STK35: variants seen among roughly 807,000 people sequenced by gnomAD.
STK35 encodes the protein serine/threonine-protein kinase 35.
A neutral mutation model predicts 37.3 loss-of-function variants in STK35; 17 were observed. That is an observed-to-expected ratio of 0.46 (90% CI 0.31 to 0.68). The LOEUF is 0.68. STK35 is among the 30% of genes least tolerant of loss of function. The pLI is 0.05. For synonymous variants in STK35, 385 were observed against 319.1 expected, an observed-to-expected ratio of 1.21 and a Z score of -2.20; for missense variants, 595 against 746.7, an observed-to-expected ratio of 0.80 and a Z score of 2.37.
chr20:2,142,312 T>TCCAATGTTATC (rs369185215), intron 3 of STK35, among the ~76,000 whole-genome samples: 1 of 151,628 alleles, frequency 6.6e-6, no homozygotes, highest in East Asian at 1.9e-4. Context: ...GACAGTAAAT[T>TCCAATGTTATC]ATCCAATATT....
rs2122599459 is a variant in STK35 at position 2,146,502 on chromosome 20, T to G, written c.*2756T>G. The G allele has an allele frequency of 6.5e-6, 1 of 152,936 alleles. No individual in the cohort carries two copies. The highest frequency in any genetic ancestry group is 2.1e-4 in the South Asian group (1 of 4,830). The allele number at this position is 152,936 out of a possible 1,614,324, so 9.5% of individuals were successfully genotyped here. A position where few individuals can be genotyped will look rare whatever the true frequency, so the allele number is the denominator to read the frequency against. On this transcript the variant is annotated 3_prime_UTR_variant, in exon 4 of 4. Transcript: ENST00000381482. ...GGATAGCCCTTTGGAGGGGGACTCT[T>G]GACCTCGGCTGTTAGGGATCTGAAC... is the stretch of plus-strand genomic sequence containing the variant.
intron 2 of STK35, among the ~76,000 whole-genome samples, chr20:2,112,857 G>A (rs1429923986): frequency 6.6e-6 from 1 of 152,158 alleles, no homozygotes; most frequent in Non-Finnish European, 1.5e-5. Flanking sequence ...CCAGACAAGG[G>A]AATTATAAAA....
At position 2,102,849 on chromosome 20, in the gene STK35, C is replaced by G. The variant is rs1401396832; in HGVS notation, c.376C>G (p.Leu126Val). 1.3e-6 allele frequency: 2 copies of G among 1,547,238 alleles called. No individual in the cohort carries two copies. Among genetic ancestry groups the G allele is most frequent in the South Asian group, 2.4e-5 (2 of 84,860 alleles). Residue 126 changes from leucine to valine, a missense_variant, in exon 2 of 4, where the codon CTG becomes GTG. Leu to Val is a conservative substitution (Grantham distance 32). Around this residue, in one of 3 missense-constraint regions of STK35, gnomAD observed 389 missense variants for 320.0 expected, o/e 1.22. Transcript: ENST00000381482. The part of the protein sequence containing the change: ...EAGGARAAPL[L>V]LPPPPAAMET... ...AGGGGGGGCCCGGGCAGCGCCGTTG[C>G]TGCTCCCCCCGCCGCCCGCAGCCAT...
chr20:2,129,743 G>T (rs141603917), intron 3 of STK35, among the ~76,000 whole-genome samples: 1 of 152,110 alleles, frequency 6.6e-6, no homozygotes, highest in East Asian at 1.9e-4. Context: ...TGCCCAAGGC[G>T]GTCAGAGAAA....
At chr20:2,140,945 C>T (rs571692829) in intron 3 of STK35, among the ~76,000 whole-genome samples, 2 of 152,334 alleles carry the variant, frequency 1.3e-5, no homozygotes, top group Admixed American at 6.5e-5. Context: ...CCACATGCTA[C>T]CTTCCTGCTG....
At chr20:2,103,486 C>T (rs1600596157) in intron 2 of STK35, 121 bp downstream of exon 2, 8 of 885,876 alleles carry the variant, frequency 9.0e-6, no homozygotes, top group Non-Finnish European at 1.2e-5. Context: ...CACCCTGTGC[C>T]CTGACACACC....
chr20:2,104,302 A>C (rs559702995), intron 2 of STK35, among the ~76,000 whole-genome samples: 63 of 152,332 alleles, frequency 4.1e-4, no homozygotes, highest in Non-Finnish European at 7.6e-4. Context: ...AGGAGGATCC[A>C]GGGGAAGAAA....
At chr20:2,141,230 A>G (rs967675400) in intron 3 of STK35, among the ~76,000 whole-genome samples, 1 of 152,228 alleles carries the variant, frequency 6.6e-6, no homozygotes, top group African/African-American at 2.4e-5. Flanking sequence ...CTGAATCATC[A>G]GGGAATATGT....
intron 1 of STK35, among the ~76,000 whole-genome samples, chr20:2,102,504 C>T (rs1985414047): frequency 6.6e-6 from 1 of 152,244 alleles, no homozygotes; most frequent in Admixed American, 6.5e-5. Flanking sequence ...AGCTTGCTGG[C>T]TCTTCTTTTT....
chr20:2,123,897 G>C (rs1014310650), intron 3 of STK35, among the ~76,000 whole-genome samples: 1 of 152,134 alleles, frequency 6.6e-6, no homozygotes, highest in African/African-American at 2.4e-5. Flanking sequence ...GAGGGGTTAG[G>C]CTGTGAAGAA....
intron 3 of STK35, among the ~76,000 whole-genome samples, chr20:2,125,566 C>G (rs1021523864): frequency 2.0e-5 from 3 of 152,224 alleles, no homozygotes; most frequent in East Asian, 3.9e-4. Context: ...GGTGGGTTCC[C>G]CTCCAGTAGT....
intron 2 of STK35, among the ~76,000 whole-genome samples, chr20:2,108,340 C>G (rs1985555168): frequency 6.6e-6 from 1 of 152,098 alleles, no homozygotes; most frequent in South Asian, 2.1e-4. Flanking sequence ...GAAACCCTGT[C>G]TCTACTAAAA....
chr20:2,133,170 C>T (rs568577694), intron 3 of STK35, among the ~76,000 whole-genome samples: 1 of 152,222 alleles, frequency 6.6e-6, no homozygotes, highest in Admixed American at 6.5e-5. Context: ...GTGGACCTCT[C>T]TGTGGGTGTG....
chr20:2,102,535 T>C (rs1439188318), intron 1 of STK35, among the ~76,000 whole-genome samples: 2 of 152,230 alleles, frequency 1.3e-5, no homozygotes, highest in African/African-American at 4.8e-5. Flanking sequence ...CATGACAAGC[T>C]AACAGAGAGA....
At chr20:2,105,057 A>G (rs1044682046) in intron 2 of STK35, among the ~76,000 whole-genome samples, 8 of 151,736 alleles carry the variant, frequency 5.3e-5, no homozygotes, top group African/African-American at 1.7e-4. Flanking sequence ...CTTGAGAGGC[A>G]GAGGCAGGAG....
chr20:2,102,947 G>T lies in STK35; in HGVS notation c.474G>T (p.Arg158=). ...GGAAAAGGCGAAGCCCAGTGCCGCGGGCGCCCAGCACGAAGCTGAGGCCGG... is the reference window on the plus strand; with the variant it reads ...GGAAAAGGCGAAGCCCAGTGCCGCGTGCGCCCAGCACGAAGCTGAGGCCGG... The part of the protein sequence containing the change: ...PERKRRSPVP[R]APSTKLRPAA... The change falls in exon 2 of 4, where the codon CGG becomes CGT. Residue 158 remains arginine (R), a synonymous_variant. Coordinates refer to ENST00000381482, the MANE Select transcript of STK35 (RefSeq NM_080836.4). 1 of 1,496,972 alleles carries T rather than the reference G, an allele frequency of 6.7e-7. No homozygotes were observed. The highest frequency in any genetic ancestry group is 2.2e-5 in the Admixed American group (1 of 45,772). The allele number at this position is 1,496,972 out of a possible 1,614,324, so 92.7% of individuals were successfully genotyped here.
intron 3 of STK35, among the ~76,000 whole-genome samples, chr20:2,119,695 C>T (rs1985782563): frequency 6.6e-6 from 1 of 152,204 alleles, no homozygotes; most frequent in Non-Finnish European, 1.5e-5. Context: ...AAGTAAGCTG[C>T]TCTTACGTTG....
Position 2,102,821 on chromosome 20 carries a change from G to T in STK35, c.348G>T (p.Glu116Asp), listed in dbSNP as rs372482538. ...GTCCCAGGGCCGGACGGAGGGATGAGGCAGGGGGGGCCCGGGCAGCGCCGT... is the reference window on the plus strand; with the variant it reads ...GTCCCAGGGCCGGACGGAGGGATGATGCAGGGGGGGCCCGGGCAGCGCCGT... The part of the protein sequence containing the change: ...PPRPRAGRRD[E>D]AGGARAAPLL... Residue 116 changes from glutamate to aspartate, a missense_variant, in exon 2 of 4, where the codon GAG becomes GAT. Transcript: ENST00000381482. 2.6e-6 allele frequency: 4 copies of T among 1,524,552 alleles called. No individual in the cohort carries two copies. The allele number at this position is 1,524,552 out of a possible 1,614,324, so 94.4% of individuals were successfully genotyped here.
chr20:2,141,986 T>C (rs1241566550), intron 3 of STK35, among the ~76,000 whole-genome samples: 1 of 152,210 alleles, frequency 6.6e-6, no homozygotes, highest in Non-Finnish European at 1.5e-5. Flanking sequence ...AGGAGTAGAA[T>C]TTCAGGGAGC....
Sources: allele counts gnomAD v4.1 joint callset (sites outside exome capture counted in the v4.1 genomes callset), GRCh38; gene constraint gnomAD v4.1.1; regional missense constraint gnomAD v4.1.1; transcripts MANE v1.5; gene names NCBI Gene and HGNC (gene_info 2026-07-23, HGNC 2026-07-21).